PTPRG: variants seen among roughly 807,000 people sequenced by gnomAD.
PTPRG encodes the protein receptor-type tyrosine-protein phosphatase gamma.
Under a neutral mutation model 165.3 loss-of-function variants are expected in PTPRG, and 102 were observed. The observed-to-expected ratio is 0.62, with a 90% CI of 0.53 to 0.73. PTPRG has a LOEUF of 0.73. Among genes scored for constraint, PTPRG ranks in the 30% least tolerant of loss-of-function variants. The probability of loss-of-function intolerance (pLI) is 0.00; values close to 1 mark genes in which losing one functional copy is unlikely to be tolerated. For missense variants in PTPRG, 1,866 were observed against 1,861.4 expected (o/e 1.00, Z -0.05); for synonymous variants, 675 against 669.5 (o/e 1.01, Z -0.13).
intron 28 of PTPRG, among the ~76,000 whole-genome samples, chr3:62,283,678 C>T (rs1435690031): frequency 6.6e-6 from 1 of 151,980 alleles, no homozygotes; most frequent in African/African-American, 2.4e-5. Flanking sequence ...AACTAGCTAC[C>T]CAAGTAGCAT....
At chr3:61,762,348 G>A (rs2033875281) in intron 2 of PTPRG, among the ~76,000 whole-genome samples, 1 of 152,132 alleles carries the variant, frequency 6.6e-6, no homozygotes, top group African/African-American at 2.4e-5. Context: ...CTTCTGGCTG[G>A]GCATGGCGGC....
intron 2 of PTPRG, among the ~76,000 whole-genome samples, chr3:61,967,281 T>C (rs746288210): frequency 1.3e-5 from 2 of 152,172 alleles, no homozygotes; most frequent in Non-Finnish European, 2.9e-5. Context: ...TGATTGTGAT[T>C]TGATCTCTTG....
chr3:62,065,948 T>C (rs349172), intron 4 of PTPRG, among the ~76,000 whole-genome samples: 3,710 of 152,336 alleles, frequency 0.024, 161 homozygotes, highest in African/African-American at 0.085. Flanking sequence ...TTAGTTGTTT[T>C]GGATGTGTGT....
At chr3:61,671,755 G>T (rs1702997569) in intron 1 of PTPRG, among the ~76,000 whole-genome samples, 1 of 144,418 alleles carries the variant, frequency 6.9e-6, no homozygotes, top group Non-Finnish European at 1.5e-5. Flanking sequence ...CGGGGCGGCT[G>T]GCCGGGCGGG....
intron 2 of PTPRG, among the ~76,000 whole-genome samples, chr3:61,981,364 A>G (rs2040640643): frequency 6.6e-6 from 1 of 152,258 alleles, no homozygotes; most frequent in Non-Finnish European, 1.5e-5. Flanking sequence ...CCAGGCGCTA[A>G]CTGGCGTAGG....
intron 1 of PTPRG, among the ~76,000 whole-genome samples, chr3:61,714,203 T>C (rs1443372460): frequency 2.0e-5 from 3 of 152,158 alleles, no homozygotes; most frequent in African/African-American, 4.8e-5. Flanking sequence ...GTATATTAAC[T>C]GAACCTTGCA....
chr3:62,119,044 CG>C (rs1702965989), intron 5 of PTPRG, among the ~76,000 whole-genome samples: 1 of 152,154 alleles, frequency 6.6e-6, no homozygotes, highest in African/African-American at 2.4e-5. Flanking sequence ...GCTGGGAATA[CG>C]AAACAAACTA....
intron 2 of PTPRG, among the ~76,000 whole-genome samples, chr3:61,788,535 C>T (rs1339552436): frequency 6.6e-6 from 1 of 152,172 alleles, no homozygotes; most frequent in Non-Finnish European, 1.5e-5. Flanking sequence ...TGTGGATTTT[C>T]CTACATTGGT....
intron 7 of PTPRG, among the ~76,000 whole-genome samples, chr3:62,158,130 G>C (rs1028877788): frequency 2.6e-5 from 4 of 152,150 alleles, no homozygotes; most frequent in Admixed American, 2.6e-4. Flanking sequence ...CTGTGGGTAG[G>C]AACTGATGAA....
rs1023448472 is a variant in PTPRG, at chr3:62,254,042, A to C, written c.2468-1082A>C. ...GAGCTTTGCTCTCTCGAAAGAAAGA[A>C]GGAATGACATAGTCAATGTTAACTG... On this transcript the variant is annotated intron_variant, in intron 15 of 29. Coordinates refer to ENST00000474889, the MANE Select transcript of PTPRG (RefSeq NM_002841.4). The surrounding 1 kb of genome is among the most constrained non-coding windows in gnomAD (Gnocchi z 4.6). Among the ~76,000 whole-genome samples the C allele has an allele frequency of 6.6e-6, 1 of 152,246 alleles. No homozygotes were observed. The highest frequency in any genetic ancestry group is 2.4e-5 in the African/African-American group (1 of 41,464).
At chr3:61,679,811 C>A (rs1306518464) in intron 1 of PTPRG, among the ~76,000 whole-genome samples, 4 of 152,058 alleles carry the variant, frequency 2.6e-5, no homozygotes, top group Non-Finnish European at 2.9e-5. Context: ...AGCAAAAAAA[C>A]CCCACAATCC....
chr3:62,101,291 G>T (rs1286310730), intron 5 of PTPRG, among the ~76,000 whole-genome samples: 1 of 152,094 alleles, frequency 6.6e-6, no homozygotes, highest in Non-Finnish European at 1.5e-5. Flanking sequence ...AGTTTGAAAG[G>T]GTAATTTTCA....
intron 2 of PTPRG, among the ~76,000 whole-genome samples, chr3:61,786,733 C>A (rs1031654900): frequency 4.7e-5 from 7 of 150,176 alleles, no homozygotes; most frequent in African/African-American, 1.7e-4. Context: ...TGACATATGT[C>A]TATCAAGTTT....
intron 2 of PTPRG, among the ~76,000 whole-genome samples, chr3:61,825,994 A>G (rs1421094235): frequency 6.6e-6 from 1 of 152,212 alleles, no homozygotes; most frequent in Non-Finnish European, 1.5e-5. Flanking sequence ...ACAATTTTGG[A>G]AGATTCATGG....
chr3:61,687,297 T>C (rs1703664164), intron 1 of PTPRG, among the ~76,000 whole-genome samples: 3 of 152,228 alleles, frequency 2.0e-5, no homozygotes. Flanking sequence ...CCATCCACCC[T>C]GGTGGGTGCC....
At chr3:61,621,051 A>ATGTGTGTGTGTGTGTGTGTGTGTG (rs1173192341) in intron 1 of PTPRG, among the ~76,000 whole-genome samples, 8 of 117,960 alleles carry the variant, frequency 6.8e-5, no homozygotes, top group East Asian at 5.6e-4. Context: ...ATATATATAT[A>ATGTGTGTGTGTGTGTGTGTGTGTG]TGTGTGTGTG....
chr3:62,100,599 A>G (rs564002857), intron 5 of PTPRG, among the ~76,000 whole-genome samples: 1 of 151,262 alleles, frequency 6.6e-6, no homozygotes, highest in South Asian at 2.1e-4. Flanking sequence ...ATAAGCCAAA[A>G]AAACAAAAAA....
chr3:62,040,652 A>G (rs921414558), intron 4 of PTPRG, among the ~76,000 whole-genome samples: 12 of 135,282 alleles, frequency 8.9e-5, no homozygotes, highest in Non-Finnish European at 2.0e-4. Flanking sequence ...TTGGGATTTC[A>G]ACATGTTGGC....
chr3:61,589,381 A>G (rs554953804), intron 1 of PTPRG, among the ~76,000 whole-genome samples: 60 of 152,290 alleles, frequency 3.9e-4, no homozygotes, highest in African/African-American at 1.3e-3. Context: ...TGAACTTAGC[A>G]CTTTGCATAT....
Sources: gnomAD v4.1 joint callset for allele counts (sites outside exome capture counted in the v4.1 genomes callset) on GRCh38, gnomAD v4.1.1 for gene constraint, Gnocchi (gnomAD v3.1) non-coding constraint, MANE v1.5 for transcripts, NCBI Gene and HGNC (gene_info 2026-07-23, HGNC 2026-07-21) for gene names.